KCTD8: variants seen among roughly 807,000 people sequenced by gnomAD.
KCTD8 encodes BTB/POZ domain-containing protein KCTD8.
A neutral mutation model predicts 31.5 loss-of-function variants in KCTD8; 27 were observed. The ratio of observed to expected loss-of-function variants is 0.86; its 90% CI spans 0.63 to 1.18. The LOEUF (loss-of-function observed/expected upper bound fraction) is 1.18. KCTD8 is among the 50% of genes most tolerant of loss of function. KCTD8 has a pLI of 0.00. For missense variants in KCTD8, 658 were observed against 647.7 expected, an observed-to-expected ratio of 1.02 and a Z score of -0.17; for synonymous variants, 290 against 280.0, an observed-to-expected ratio of 1.04 and a Z score of -0.36.
intron 1 of KCTD8, among the ~76,000 whole-genome samples, chr4:44,188,632 G>A (rs141727777): frequency 7.4e-4 from 112 of 152,208 alleles, no homozygotes; most frequent in Middle Eastern, 3.4e-3. Context: ...TAAGGATTTC[G>A]AGATGGTGAA....
At chr4:44,185,768 A>G (rs1713567602) in intron 1 of KCTD8, among the ~76,000 whole-genome samples, 1 of 150,380 alleles carries the variant, frequency 6.6e-6, no homozygotes, top group Non-Finnish European at 1.5e-5. Context: ...TTAATAACCC[A>G]TAGTTGTTTG....
At chr4:44,299,944 G>C (rs1479812628) in intron 1 of KCTD8, among the ~76,000 whole-genome samples, 1 of 151,840 alleles carries the variant, frequency 6.6e-6, no homozygotes, top group South Asian at 2.1e-4. Context: ...GTAGAGACGG[G>C]GTTTCGCTGT....
chr4:44,403,538 G>A (rs961216934), intron 1 of KCTD8, among the ~76,000 whole-genome samples: 1 of 151,808 alleles, frequency 6.6e-6, no homozygotes, highest in Non-Finnish European at 1.5e-5. Context: ...GGCTGCTCCT[G>A]AGGCCCTTCC....
chr4:44,277,383 T>C (rs1201554496), intron 1 of KCTD8, among the ~76,000 whole-genome samples: 3 of 151,898 alleles, frequency 2.0e-5, no homozygotes, highest in African/African-American at 7.2e-5. Context: ...ATCTAGGCCA[T>C]AAGATCCGCT....
chr4:44,225,815 CT>C (rs35751540), intron 1 of KCTD8, among the ~76,000 whole-genome samples: 24,086 of 74,534 alleles, frequency 0.32, 2,336 homozygotes, highest in African/African-American at 0.36. Context: ...GGTTTTGTCT[CT>C]TTTTTTTTTT....
intron 1 of KCTD8, among the ~76,000 whole-genome samples, chr4:44,318,731 G>T (rs1577613295): frequency 6.6e-6 from 1 of 152,206 alleles, no homozygotes; most frequent in Admixed American, 6.5e-5. Context: ...ACTTGAAGAA[G>T]AGTAATAGGC....
intron 1 of KCTD8, among the ~76,000 whole-genome samples, chr4:44,404,758 A>G (rs1233700933): frequency 6.6e-6 from 1 of 152,214 alleles, no homozygotes; most frequent in African/African-American, 2.4e-5. Context: ...TAACTTATTC[A>G]TTCAGATTAC....
chr4:44,243,695 A>T (rs1715569732), intron 1 of KCTD8, among the ~76,000 whole-genome samples: 1 of 152,256 alleles, frequency 6.6e-6, no homozygotes, highest in African/African-American at 2.4e-5. Context: ...ACCTTGTAAA[A>T]AGTGACATTG....
intron 1 of KCTD8, among the ~76,000 whole-genome samples, chr4:44,258,835 A>G (rs1716075497): frequency 6.6e-6 from 1 of 151,782 alleles, no homozygotes; most frequent in Non-Finnish European, 1.5e-5. Context: ...GTAATAAAAA[A>G]CCACCACTTA....
intron 1 of KCTD8, among the ~76,000 whole-genome samples, chr4:44,192,191 C>A (rs575477448): frequency 6.6e-6 from 1 of 152,192 alleles, no homozygotes; most frequent in East Asian, 1.9e-4. Context: ...TAGTTACTGA[C>A]CAAAGAAATT....
intron 1 of KCTD8, among the ~76,000 whole-genome samples, chr4:44,437,367 T>C (rs748396917): frequency 7.2e-5 from 11 of 152,154 alleles, no homozygotes; most frequent in Non-Finnish European, 1.6e-4. Flanking sequence ...AGGTAGGAAA[T>C]ATGTTCACTA....
At chr4:44,284,848 G>A (rs111514411) in intron 1 of KCTD8, among the ~76,000 whole-genome samples, 5,333 of 152,256 alleles carry the variant, frequency 0.035, 129 homozygotes, top group Non-Finnish European at 0.05. Flanking sequence ...AGACATTTAT[G>A]CAGCCAAAAG....
chr4:44,347,327 G>A (rs1719060095), intron 1 of KCTD8, among the ~76,000 whole-genome samples: 1 of 152,158 alleles, frequency 6.6e-6, no homozygotes, highest in Admixed American at 6.5e-5. Context: ...AGGTGGTGCA[G>A]GGCAGTTCTT....
rs186200079 is a variant in KCTD8, at chr4:44,367,140, C to T, written c.961+80423G>A. On this transcript the variant is annotated intron_variant, in intron 1 of 1. Transcript: ENST00000360029. ...GCTGTTCCTTCTTCCTCTTCCACTT[C>T]CCCTTCCCCTAGTTAACTTCTGCTT... 2.6e-3 allele frequency among the ~76,000 whole-genome samples: 402 copies of T among 152,186 alleles called. 1 individual carries two copies. Among genetic ancestry groups the T allele is most frequent in the Non-Finnish European group, 4.3e-3 (292 of 67,994 alleles).
chr4:44,262,986 T>A (rs186506305), intron 1 of KCTD8, among the ~76,000 whole-genome samples: 1 of 152,306 alleles, frequency 6.6e-6, no homozygotes, highest in East Asian at 1.9e-4. Context: ...TGTTGAATTA[T>A]CATAATAGAA....
intron 1 of KCTD8, among the ~76,000 whole-genome samples, chr4:44,278,859 C>T (rs1339832425): frequency 6.6e-6 from 1 of 151,970 alleles, no homozygotes; most frequent in Non-Finnish European, 1.5e-5. Flanking sequence ...GCAACAAAAA[C>T]CTTCTGCATG....
At chr4:44,387,726 T>A (rs1720260618) in intron 1 of KCTD8, among the ~76,000 whole-genome samples, 1 of 151,930 alleles carries the variant, frequency 6.6e-6, no homozygotes, top group Non-Finnish European at 1.5e-5. Flanking sequence ...TCAAGATGGA[T>A]CAAATACTTA....
At chr4:44,341,052 G>T (rs1718884486) in intron 1 of KCTD8, among the ~76,000 whole-genome samples, 1 of 152,100 alleles carries the variant, frequency 6.6e-6, no homozygotes, top group South Asian at 2.1e-4. Flanking sequence ...GATATTGTGG[G>T]TTTGGTTTGA....
At position 44,447,944 on chromosome 4, in the gene KCTD8, C is replaced by T. The variant is rs780284389; in HGVS notation, c.580G>A (p.Gly194Ser). ...AAVPSGPGAH[G>S]GGGGGGAQDK... is the part of the protein sequence containing the mutation. ...TGCGCGCCGCCGCCGCCGCCACCAC[C>T]GTGCGCTCCCGGGCCCGAGGGCACG... Residue 194 changes from glycine to serine, a missense_variant, in exon 1 of 2, where the codon GGT (glycine) becomes AGT (serine). Gly to Ser is a moderately conservative substitution (Grantham distance 56). Coordinates refer to ENST00000360029, the MANE Select transcript of KCTD8 (RefSeq NM_198353.3). 6.7e-7 allele frequency: 1 copy of T among 1,494,020 alleles called. No homozygotes were observed. Among genetic ancestry groups the T allele is most frequent in the Non-Finnish European group, 8.9e-7 (1 of 1,119,956 alleles). The allele number at this position is 1,494,020 out of a possible 1,614,324, so 92.5% of individuals were successfully genotyped here.
Sources: gnomAD v4.1 joint callset for allele counts (sites outside exome capture counted in the v4.1 genomes callset) on GRCh38, gnomAD v4.1.1 for gene constraint, MANE v1.5 for transcripts, NCBI Gene and HGNC (gene_info 2026-07-23, HGNC 2026-07-21) for gene names.